The following EEA1 variants were observed in gnomAD, a reference collection of about 807,000 sequenced individuals.
EEA1 encodes the protein early endosome antigen 1.
Under a neutral mutation model 209.2 loss-of-function variants are expected in EEA1, and 111 were observed. The ratio of observed to expected loss-of-function variants is 0.53; its 90% CI spans 0.45 to 0.62. The LOEUF (loss-of-function observed/expected upper bound fraction) is 0.62, where lower values mean the gene tolerates loss of function less well. Ranked by LOEUF, EEA1 falls within the 20% of genes least tolerant of loss-of-function variation. The probability of loss-of-function intolerance (pLI) is 0.00; values close to 1 mark genes in which losing one functional copy is unlikely to be tolerated. For synonymous variants in EEA1, 536 were observed against 540.6 expected (o/e 0.99, Z 0.12); for missense variants, 1,343 against 1,530.8 (o/e 0.88, Z 2.05).
At chr12:92,857,895 C>T (rs993198576) in intron 3 of EEA1, among the ~76,000 whole-genome samples, 1 of 152,228 alleles carries the variant, frequency 6.6e-6, no homozygotes, top group Non-Finnish European at 1.5e-5. Flanking sequence ...ATTCATTTAG[C>T]TCTATCAACA....
intron 10 of EEA1, among the ~76,000 whole-genome samples, chr12:92,834,589 T>A (rs1565827806): frequency 1.5e-5 from 2 of 136,134 alleles, no homozygotes; most frequent in African/African-American, 2.7e-5. Flanking sequence ...TAAGAGAGGA[T>A]GACAGACAGA....
chr12:92,879,321 G>A, intron 2 of EEA1: 1 of 442,460 alleles, frequency 2.3e-6, no homozygotes. Flanking sequence ...TTGGAATTTT[G>A]CAGCATTTCG....
At chr12:92,832,940 T>C in intron 10 of EEA1, 90 bp from the exon 11 acceptor site, 1 of 898,526 alleles carries the variant, frequency 1.1e-6, no homozygotes. Context: ...TACTGTCTCC[T>C]ATTATACATT....
At chr12:92,839,784 TA>T (rs1877087895) in intron 10 of EEA1, among the ~76,000 whole-genome samples, 1 of 152,234 alleles carries the variant, frequency 6.6e-6, no homozygotes, top group African/African-American at 2.4e-5. Context: ...TTGGAGTCCT[TA>T]ATCATTTTGA....
Position 92,802,460 on chromosome 12 carries a change from A to G in EEA1, c.2614T>C (p.Ser872Pro). Reference protein sequence around the residue: ...LSKVSDSLKNSKSEFEKENQK... With the variant: ...LSKVSDSLKNPKSEFEKENQK... ...TTCTCCTTTTCAAATTCACTTTTAG[A>G]GTTTTTCAAAGAATCAGAAACTTTT... The change falls in exon 19 of 29, where the codon TCT becomes CCT. Residue 872 changes from serine (S) to proline (P), a missense_variant. Coordinates refer to ENST00000322349, the MANE Select transcript of EEA1 (RefSeq NM_003566.4). The G allele has an allele frequency of 6.3e-7, 1 of 1,581,088 alleles. No homozygotes were observed. The highest frequency in any genetic ancestry group is 1.2e-5 in the South Asian group (1 of 83,880).
intron 18 of EEA1, among the ~76,000 whole-genome samples, chr12:92,806,545 C>T (rs1875215382): frequency 6.6e-6 from 1 of 152,096 alleles, no homozygotes; most frequent in Non-Finnish European, 1.5e-5. Context: ...TAGTGAATTC[C>T]ATCAAACTTT....
At chr12:92,921,882 A>AG (rs1881022725) in intron 1 of EEA1, among the ~76,000 whole-genome samples, 1 of 146,106 alleles carries the variant, frequency 6.8e-6, no homozygotes, top group Admixed American at 6.7e-5. Flanking sequence ...AAAAAAAAAA[A>AG]AAAAGAAAAA....
chr12:92,799,661 C>A (rs1454695440), intron 20 of EEA1, among the ~76,000 whole-genome samples: 3 of 151,976 alleles, frequency 2.0e-5, no homozygotes, highest in Non-Finnish European at 2.9e-5. Context: ...GTGGCAGGTG[C>A]CTGTAGTCCC....
chr12:92,810,559 T>TA (rs1491481404), intron 17 of EEA1, among the ~76,000 whole-genome samples: 3 of 152,100 alleles, frequency 2.0e-5, no homozygotes, highest in African/African-American at 7.2e-5. Flanking sequence ...ACTCTAAACT[T>TA]ATACACACAC....
chr12:92,883,707 C>A, intron 2 of EEA1: 1 of 848,650 alleles, frequency 1.2e-6, no homozygotes, highest in Non-Finnish European at 1.9e-6. Context: ...CGTTCATCAG[C>A]TTGTTCTTTT....
chr12:92,830,124 A>G (rs1323922762), intron 11 of EEA1, among the ~76,000 whole-genome samples: 1 of 152,078 alleles, frequency 6.6e-6, no homozygotes, highest in Admixed American at 6.6e-5. Flanking sequence ...TACATGCAAG[A>G]AATCTGCACT....
intron 1 of EEA1, among the ~76,000 whole-genome samples, chr12:92,913,292 G>A (rs1031877668): frequency 9.2e-5 from 14 of 152,156 alleles, no homozygotes; most frequent in East Asian, 5.8e-4. Context: ...GCATTTCTCT[G>A]ATTAGCAATG....
At chr12:92,911,859 AG>A (rs1284073704) in intron 1 of EEA1, among the ~76,000 whole-genome samples, 1 of 152,218 alleles carries the variant, frequency 6.6e-6, no homozygotes, top group East Asian at 1.9e-4. Context: ...GAAAATCAAA[AG>A]AAAACTAAGA....
rs892936132 is a variant in EEA1, at chr12:92,773,766, AAC to A, written c.*2243_*2244del. 1 of 151,680 alleles carries A rather than the reference AAC, an allele frequency of 6.6e-6. No individual in the cohort carries two copies. Among genetic ancestry groups the A allele is most frequent in the Admixed American group, 6.6e-5 (1 of 15,204 alleles). The allele number at this position is 151,680 out of a possible 1,614,324, so 9.4% of individuals were successfully genotyped here. On this transcript the variant is annotated 3_prime_UTR_variant, in exon 29 of 29. Coordinates refer to ENST00000322349, the MANE Select transcript of EEA1 (RefSeq NM_003566.4). ...AAAAAATTTAAATTTTTATTTCGAA[AAC>A]ACATTAAATTGGGGAGAGTTAGTAG...
At chr12:92,884,794 G>C (rs1269171897) in intron 2 of EEA1, 1 of 801,742 alleles carries the variant, frequency 1.2e-6, no homozygotes, top group Non-Finnish European at 2.1e-6. Flanking sequence ...GCCAAGCACA[G>C]TGGTGGCAGG....
intron 1 of EEA1, 116 bp downstream of exon 1, chr12:92,928,927 G>A (rs998921554): frequency 1.8e-6 from 2 of 1,138,938 alleles, no homozygotes; most frequent in African/African-American, 1.6e-5. Context: ...GCGCCTGCCG[G>A]GCTGTGGGGC....
At chr12:92,895,583 G>A (rs1231494648) in intron 1 of EEA1, among the ~76,000 whole-genome samples, 1 of 151,888 alleles carries the variant, frequency 6.6e-6, no homozygotes, top group Non-Finnish European at 1.5e-5. Flanking sequence ...AGCTCTCCTG[G>A]AGGCATACAA....
At chr12:92,896,363 T>C (rs1029907969) in intron 1 of EEA1, among the ~76,000 whole-genome samples, 2 of 152,172 alleles carry the variant, frequency 1.3e-5, no homozygotes, top group African/African-American at 2.4e-5. Context: ...TGAAATCTGC[T>C]ACTGGAGAAG....
At chr12:92,854,088 T>C in intron 5 of EEA1, 134 bp from the exon 6 acceptor site, 1 of 631,596 alleles carries the variant, frequency 1.6e-6, no homozygotes, top group South Asian at 3.3e-5. Context: ...AAATTTAAAT[T>C]TGGTGGTTTC....
Sources: gnomAD v4.1 joint callset for allele counts (sites outside exome capture counted in the v4.1 genomes callset) on GRCh38, gnomAD v4.1.1 for gene constraint, MANE v1.5 for transcripts, NCBI Gene and HGNC (gene_info 2026-07-23, HGNC 2026-07-21) for gene names.